Variants in IGSF9 observed in about 807,000 individuals in gnomAD.
IGSF9 encodes protein turtle homolog A.
A neutral mutation model predicts 121.7 loss-of-function variants in IGSF9; 87 were observed. The ratio of observed to expected loss-of-function variants is 0.71; its 90% CI spans 0.60 to 0.85. The LOEUF (loss-of-function observed/expected upper bound fraction) is 0.85. IGSF9 is among the 40% of genes least tolerant of loss of function. The pLI, the probability that IGSF9 is intolerant of heterozygous loss-of-function variation, is 0.00. For synonymous variants in IGSF9, 640 were observed against 648.4 expected (o/e 0.99, Z 0.20); for missense variants, 1,462 against 1,565.3 (o/e 0.93, Z 1.11).
intron 14 of IGSF9, 78 bp downstream of exon 14, chr1:159,930,614 G>T (rs1257660496): frequency 6.3e-7 from 1 of 1,589,002 alleles, no homozygotes; most frequent in Non-Finnish European, 8.6e-7. Context: ...TTCCCACCCA[G>T]GGCCTCCCAT....
chr1:159,943,205 G>C, intron 2 of IGSF9, 54 bp from the exon 3 acceptor site: 1 of 1,466,200 alleles, frequency 6.8e-7, no homozygotes, highest in Non-Finnish European at 9.2e-7. Context: ...AGTGCTGGGA[G>C]GGGGAGTGCC....
At position 159,932,553 on chromosome 1, in the gene IGSF9, C is replaced by G; in HGVS notation, c.1204G>C (p.Gly402Arg). ...GTCACAGGAGAGGGCCCGGCGGTAC[C>G]AAGACTGTTGTAGGGGGTGCAGGAG... ...EYSCTPYNSL[G>R]TAGPSPVTRV... The change falls in exon 10 of 21, where the codon GGT (glycine) becomes CGT (arginine). Residue 402 changes from glycine to arginine, a missense_variant. Physicochemically the swap from Gly to Arg is moderately radical, Grantham distance 125 (BLOSUM62 -2). Around this residue, in one of 3 missense-constraint regions of IGSF9, gnomAD observed 558 missense variants for 599.4 expected, o/e 0.93. Transcript: ENST00000368094. The surrounding 1 kb of genome is among the most constrained non-coding windows in gnomAD (Gnocchi z 4.1). The G allele has an allele frequency of 6.2e-7, 1 of 1,614,086 alleles. No homozygotes were observed. Among genetic ancestry groups the G allele is most frequent in the Non-Finnish European group, 8.5e-7 (1 of 1,179,980 alleles).
Position 159,931,117 on chromosome 1 carries a change from T to C in IGSF9, c.1637+21A>G, listed in dbSNP as rs368318710. Reference sequence around the variant, plus strand: ...AGGAGGCAAGATTGGCACAGAGAAATGGCAGGAGCAGGTCACTCACAGTGG... The same window carrying C: ...AGGAGGCAAGATTGGCACAGAGAAACGGCAGGAGCAGGTCACTCACAGTGG... On this transcript the variant is annotated intron_variant, in intron 13 of 20. Coordinates refer to ENST00000368094, the MANE Select transcript of IGSF9 (RefSeq NM_001135050.2). This position sits in a 1 kb window ranked among gnomAD's most constrained non-coding sequence, Gnocchi z 4.8. 1 of 1,613,946 alleles carries C rather than the reference T, an allele frequency of 6.2e-7. No individual in the cohort carries two copies. The highest frequency in any genetic ancestry group is 8.5e-7 in the Non-Finnish European group (1 of 1,179,922).
rs139812441 is a variant in IGSF9 at position 159,928,532 on chromosome 1, G to C, written c.2856C>G (p.Pro952=). ...AGCGCCGGGTATCCATGTAATCTGG[G>C]GGTGCAGCAGGGCTGGGCTCCTCAA... is the stretch of plus-strand genomic sequence containing the variant. ...PPLEEPSPAA[P]PDYMDTRRCP... is the part of the protein sequence containing the mutation. Residue 952 remains proline, a synonymous_variant, in exon 19 of 21, where the codon CCC becomes CCG. Transcript: ENST00000368094. 4.2e-5 allele frequency: 65 copies of C among 1,557,730 alleles called. No homozygotes were observed. In the African/African-American group the frequency reaches 8.4e-4, roughly 20 times the overall value.
At position 159,943,008 on chromosome 1, in the gene IGSF9, T is replaced by C. The variant is rs1451746488; in HGVS notation, c.202A>G (p.Ile68Val). ...LRFGFLLPIF[I>V]QFGLYSPRID... ...CGGGGAGAGTAGAGGCCGAACTGGA[T>C]GAAGATGGGAAGCAGGAATCCAAAG... The change falls in exon 3 of 21, where the codon ATC (isoleucine) becomes GTC (valine). Residue 68 changes from isoleucine (I) to valine (V), a missense_variant. By Grantham distance (29) the Ile-to-Val change is conservative (BLOSUM62 3). Coordinates refer to ENST00000368094, the MANE Select transcript of IGSF9 (RefSeq NM_001135050.2). The C allele has an allele frequency of 6.2e-7, 1 of 1,612,822 alleles. No individual in the cohort carries two copies. The highest frequency in any genetic ancestry group is 1.7e-5 in the Admixed American group (1 of 59,832).
In IGSF9 at chr1:159,929,383, A is replaced by T; in HGVS notation, c.2337T>A (p.Leu779=). The T allele has an allele frequency of 6.2e-7, 1 of 1,614,160 alleles. No individual in the cohort carries two copies. The highest frequency in any genetic ancestry group is 8.5e-7 in the Non-Finnish European group (1 of 1,179,998). The change falls in exon 18 of 21, where the codon CTT becomes CTA. Residue 779 remains leucine (L), a synonymous_variant. Transcript: ENST00000368094. ...RRKRLRQDPP[L]IFSPTGKSAA... is the part of the protein sequence containing the mutation. ...CTGACTTCCCGGTCGGAGAGAAGAT[A>T]AGAGGTGGATCTGGAAGGGCATGAG...
At position 159,931,103 on chromosome 1, in the gene IGSF9, T is replaced by C. The variant is rs886264716; in HGVS notation, c.1637+35A>G. 17 of 1,613,692 alleles carry C rather than the reference T, an allele frequency of 1.1e-5. No homozygotes were observed. Among genetic ancestry groups the C allele is most frequent in the Middle Eastern group, 1.6e-4 (1 of 6,084 alleles). On this transcript the variant is annotated intron_variant, in intron 13 of 20. Coordinates refer to ENST00000368094, the MANE Select transcript of IGSF9 (RefSeq NM_001135050.2). This position sits in a 1 kb window ranked among gnomAD's most constrained non-coding sequence, Gnocchi z 4.8. Reference sequence around the variant, plus strand: ...AAGGAGGAGAGGAAAGGAGGCAAGATTGGCACAGAGAAATGGCAGGAGCAG... The same window carrying C: ...AAGGAGGAGAGGAAAGGAGGCAAGACTGGCACAGAGAAATGGCAGGAGCAG...
intron 4 of IGSF9, among the ~76,000 whole-genome samples, chr1:159,937,452 C>T (rs866801594): frequency 5.9e-5 from 9 of 151,976 alleles, no homozygotes; most frequent in Non-Finnish European, 8.8e-5. Context: ...TTCCTGACAC[C>T]GAGCCTAGAA....
Position 159,936,904 on chromosome 1 carries a change from G to C in IGSF9, c.405C>G (p.Pro135=), listed in dbSNP as rs772298000. The C allele has an allele frequency of 6.2e-7, 1 of 1,613,992 alleles. No individual in the cohort carries two copies. The highest frequency in any genetic ancestry group is 8.5e-7 in the Non-Finnish European group (1 of 1,179,964). Residue 135 remains proline, a synonymous_variant, in exon 5 of 21, where the codon CCC becomes CCG. Coordinates refer to ENST00000368094, the MANE Select transcript of IGSF9 (RefSeq NM_001135050.2). Reference sequence around the variant, plus strand: ...CAGGAGGTGTCTCCTGGAATTGAGGGGGTGCTGCAAGGGAGACAGGCATCA... The same window carrying C: ...CAGGAGGTGTCTCCTGGAATTGAGGCGGTGCTGCAAGGGAGACAGGCATCA... The part of the protein sequence containing the change: ...GSWVHLTVNS[P]PQFQETPPAV...
chr1:159,937,647 T>A (rs1248253265), intron 4 of IGSF9, 39 bp downstream of exon 4: 1 of 1,598,538 alleles, frequency 6.3e-7, no homozygotes. Context: ...ATCCTCCTCC[T>A]CCCCGTCCTT....
At position 159,931,190 on chromosome 1, in the gene IGSF9, G is replaced by A. The variant is rs1382083172; in HGVS notation, c.1585C>T (p.Pro529Ser). 6.2e-7 allele frequency: 1 copy of A among 1,613,998 alleles called. No homozygotes were observed. The highest frequency in any genetic ancestry group is 8.5e-7 in the Non-Finnish European group (1 of 1,180,000). ...LPKGANVSWE[P>S]GFDGGYLQRF... Reference sequence around the variant, plus strand: ...TGCAGATAACCACCATCAAAGCCAGGCTCCCAGGAGACATTGGCACCCTTG... The same window carrying A: ...TGCAGATAACCACCATCAAAGCCAGACTCCCAGGAGACATTGGCACCCTTG... Residue 529 changes from proline to serine, a missense_variant, in exon 13 of 21, where the codon CCT (proline) becomes TCT (serine). This residue lies in a region of IGSF9 where 96 missense variants were observed against 150.7 expected (regional missense o/e 0.64). Transcript: ENST00000368094. The surrounding 1 kb of genome is among the most constrained non-coding windows in gnomAD (Gnocchi z 4.8).
rs1651131501 is a variant in IGSF9, at chr1:159,934,815, T to C, written c.681A>G (p.Pro227=). 1 of 1,613,868 alleles carries C rather than the reference T, an allele frequency of 6.2e-7. No homozygotes were observed. Among genetic ancestry groups the C allele is most frequent in the African/African-American group, 1.3e-5 (1 of 74,882 alleles). The change falls in exon 7 of 21, where the codon CCA becomes CCG. Residue 227 remains proline, a synonymous_variant. Coordinates refer to ENST00000368094, the MANE Select transcript of IGSF9 (RefSeq NM_001135050.2). The part of the protein sequence containing the change: ...HATQLLVLGP[P]VIVVPPKNST... ...TGTTCTTGGGGGGCACCACGATGAC[T>C]GGGGGTCCTGTGGGATGCACAAGGG...
At chr1:159,940,547 G>A (rs4313394) in intron 3 of IGSF9, among the ~76,000 whole-genome samples, 10,447 of 152,222 alleles carry the variant, frequency 0.069, 463 homozygotes, top group East Asian at 0.22. Flanking sequence ...TTAAGCTCTC[G>A]GAAGGCAGGG....
In IGSF9 at chr1:159,929,735, G is replaced by C. The variant is rs1650910384; in HGVS notation, c.2229C>G (p.Val743=). The C allele has an allele frequency of 1.2e-6, 2 of 1,602,768 alleles. No homozygotes were observed. Among genetic ancestry groups the C allele is most frequent in the East Asian group, 4.5e-5 (2 of 44,314 alleles). Residue 743 remains valine (V), a synonymous_variant, in exon 17 of 21, where the codon GTC becomes GTG. Coordinates refer to ENST00000368094, the MANE Select transcript of IGSF9 (RefSeq NM_001135050.2). ...QPVLAGVVGG[V]CFLGVAVLVS... ...CAAGGACGGCCACTCCCAGAAAGCA[G>C]ACTCCGCCCACCACGCCGGCCAGCA...
rs972478844 is a variant in IGSF9, at chr1:159,930,765, G to A, written c.1740C>T (p.Tyr580=). Residue 580 remains tyrosine (Y), a synonymous_variant, in exon 14 of 21, where the codon TAC becomes TAT. Transcript: ENST00000368094. The stretch of plus-strand genomic sequence containing the variant: ...TGTTCTGAGCTAGCACGCTGAACTG[G>A]TACTGGGTGTGGGGCTGCAGCCCTG... ...LVPGLQPHTQ[Y]QFSVLAQNKL... is the part of the protein sequence containing the mutation. The A allele has an allele frequency of 1.2e-6, 2 of 1,614,154 alleles. No homozygotes were observed. Among genetic ancestry groups the A allele is most frequent in the Admixed American group, 3.3e-5 (2 of 60,018 alleles).
In IGSF9 at chr1:159,928,934, C is replaced by A; in HGVS notation, c.2454G>T (p.Leu818=). ...GSPVPSLRQS[L]LWGDPAGTPS... ...GAGTTCCGGCAGGATCCCCCCAGAGCAGACTCTGGCGCAGGCTGGGGACTG... is the reference window on the plus strand; with the variant it reads ...GAGTTCCGGCAGGATCCCCCCAGAGAAGACTCTGGCGCAGGCTGGGGACTG... Residue 818 remains leucine (L), a synonymous_variant, in exon 19 of 21, where the codon CTG becomes CTT. Coordinates refer to ENST00000368094, the MANE Select transcript of IGSF9 (RefSeq NM_001135050.2). 6.4e-7 allele frequency: 1 copy of A among 1,562,562 alleles called. No homozygotes were observed. The highest frequency in any genetic ancestry group is 8.6e-7 in the Non-Finnish European group (1 of 1,157,082).
chr1:159,927,730 G>A, intron 20 of IGSF9, 30 bp downstream of exon 20: 1 of 1,608,446 alleles, frequency 6.2e-7, no homozygotes, highest in Non-Finnish European at 8.5e-7. Flanking sequence ...GTATGGCCGA[G>A]ATGCCTGCCT....
intron 3 of IGSF9, among the ~76,000 whole-genome samples, chr1:159,941,784 C>T (rs1322016023): frequency 6.6e-6 from 1 of 152,258 alleles, no homozygotes; most frequent in Non-Finnish European, 1.5e-5. Context: ...GGAGGGAGGG[C>T]TGGTGGGCAC....
intron 15 of IGSF9, 73 bp from the exon 16 acceptor site, chr1:159,930,048 C>A: frequency 6.4e-7 from 1 of 1,565,222 alleles, no homozygotes; most frequent in African/African-American, 1.3e-5. Flanking sequence ...CGCGGAAAGA[C>A]CGTGCACGTG....
Sources: allele counts gnomAD v4.1 joint callset (sites outside exome capture counted in the v4.1 genomes callset), GRCh38; gene constraint gnomAD v4.1.1; regional missense constraint gnomAD v4.1.1; non-coding constraint Gnocchi (gnomAD v3.1); transcripts MANE v1.5; gene names NCBI Gene and HGNC (gene_info 2026-07-23, HGNC 2026-07-21).